MGAT4C: variants seen among roughly 807,000 people sequenced by gnomAD.
MGAT4C encodes MGAT4 family member C, also known as alpha-1,3-mannosyl-glycoprotein 4-beta-N-acetylglucosaminyltransferase C.
A neutral mutation model predicts 40.1 loss-of-function variants in MGAT4C; 19 were observed. The observed-to-expected ratio is 0.47, with a 90% confidence interval of 0.33 to 0.70. The LOEUF (loss-of-function observed/expected upper bound fraction) is 0.70, where lower values mean the gene tolerates loss of function less well. Ranked by LOEUF, MGAT4C falls within the 30% of genes least tolerant of loss-of-function variation. MGAT4C has a pLI of 0.02. For synonymous variants in MGAT4C, 181 were observed against 187.1 expected (o/e 0.97, Z 0.27); for missense variants, 491 against 563.2 (o/e 0.87, Z 1.30).
chr12:86,265,610 T>C (rs1422343192), intron 4 of MGAT4C, among the ~76,000 whole-genome samples: 1 of 152,298 alleles, frequency 6.6e-6, no homozygotes, highest in African/African-American at 2.4e-5. Flanking sequence ...GGTTTTTTCC[T>C]TTTGCTTTGG....
At chr12:86,101,350 CA>C (rs777806394) in intron 1 of MGAT4C, among the ~76,000 whole-genome samples, 100 of 151,634 alleles carry the variant, frequency 6.6e-4, no homozygotes, top group Non-Finnish European at 1.2e-3. Flanking sequence ...TAGTGGAGTT[CA>C]AAAGAGGGCA....
intron 1 of MGAT4C, among the ~76,000 whole-genome samples, chr12:86,210,171 G>A (rs1950406689): frequency 6.6e-6 from 1 of 152,070 alleles, no homozygotes; most frequent in Non-Finnish European, 1.5e-5. Flanking sequence ...AGATAAATAC[G>A]CTTAAGATAC....
intron 1 of MGAT4C, among the ~76,000 whole-genome samples, chr12:86,795,429 A>G (rs926204932): frequency 6.6e-6 from 1 of 151,980 alleles, no homozygotes; most frequent in African/African-American, 2.4e-5. Context: ...CTACAATATT[A>G]GGCATATTGT....
At chr12:86,249,535 T>C (rs539904144) in intron 1 of MGAT4C, among the ~76,000 whole-genome samples, 34 of 152,260 alleles carry the variant, frequency 2.2e-4, no homozygotes, top group Admixed American at 5.2e-4. Flanking sequence ...TCACAGCCCT[T>C]CTAGAGTATT....
intron 2 of MGAT4C, among the ~76,000 whole-genome samples, chr12:86,564,195 AC>A (rs1195376726): frequency 6.6e-6 from 1 of 152,124 alleles, no homozygotes; most frequent in Non-Finnish European, 1.5e-5. Flanking sequence ...AGTAAGCTTA[AC>A]CAGGTAGTAA....
At chr12:86,536,366 T>C (rs1291181627) in intron 2 of MGAT4C, among the ~76,000 whole-genome samples, 5 of 152,106 alleles carry the variant, frequency 3.3e-5, no homozygotes, top group Non-Finnish European at 7.4e-5. Context: ...CATGGATCCT[T>C]GATGGAAGCA....
chr12:86,117,054 A>G lies in MGAT4C; in HGVS notation c.-56-67331T>C, dbSNP rs73385597. Among the ~76,000 whole-genome samples, 976 of 152,240 alleles carry G rather than the reference A, an allele frequency of 6.4e-3. 6 individuals are homozygous for G. The highest frequency in any genetic ancestry group is 0.023 in the African/African-American group (939 of 41,556). On this transcript the variant is annotated intron_variant, in intron 1 of 4. Transcript: ENST00000611864. The stretch of plus-strand genomic sequence containing the variant: ...ACGCTATATTTGATAATATCTTATT[A>G]TACTTTAATCATTGCTTAAAAAAAA...
At chr12:86,083,693 G>A (rs1871253723) in intron 1 of MGAT4C, among the ~76,000 whole-genome samples, 1 of 151,890 alleles carries the variant, frequency 6.6e-6, no homozygotes, top group African/African-American at 2.4e-5. Context: ...AACATATCCT[G>A]GCTTATCACC....
At chr12:86,347,298 C>T in intron 3 of MGAT4C, among the ~76,000 whole-genome samples, 1 of 152,058 alleles carries the variant, frequency 6.6e-6, no homozygotes, top group East Asian at 1.9e-4. Flanking sequence ...TGTAGTATTT[C>T]ATCACTGAAT....
At chr12:86,313,582 T>A (rs1954130079) in intron 4 of MGAT4C, among the ~76,000 whole-genome samples, 1 of 152,022 alleles carries the variant, frequency 6.6e-6, no homozygotes, top group Non-Finnish European at 1.5e-5. Flanking sequence ...TTCCTACAAG[T>A]GAGAAAAGCC....
chr12:86,785,129 C>T (rs1434786971), intron 1 of MGAT4C, among the ~76,000 whole-genome samples: 2 of 151,962 alleles, frequency 1.3e-5, no homozygotes, highest in Admixed American at 6.6e-5. Context: ...TAAATACAGT[C>T]GCTAAATTAT....
chr12:86,741,202 A>T (rs979778412), intron 1 of MGAT4C, among the ~76,000 whole-genome samples: 5 of 151,302 alleles, frequency 3.3e-5, no homozygotes, highest in Admixed American at 6.6e-5. Flanking sequence ...TCGTATGTTC[A>T]TCACAGTACT....
At chr12:86,598,730 A>T (rs926243702) in intron 2 of MGAT4C, among the ~76,000 whole-genome samples, 1 of 152,140 alleles carries the variant, frequency 6.6e-6, no homozygotes, top group African/African-American at 2.4e-5. Flanking sequence ...CTAAAATTTA[A>T]ATCTACTTGT....
chr12:86,735,344 AGT>A (rs1565955375), intron 1 of MGAT4C, among the ~76,000 whole-genome samples: 1 of 151,882 alleles, frequency 6.6e-6, no homozygotes, highest in African/African-American at 2.4e-5. Context: ...TGATGATTTC[AGT>A]TGATGAAATC....
At chr12:86,167,030 GT>G (rs1485993410) in intron 1 of MGAT4C, among the ~76,000 whole-genome samples, 2 of 152,022 alleles carry the variant, frequency 1.3e-5, no homozygotes, top group Non-Finnish European at 2.9e-5. Flanking sequence ...ATATACTTTA[GT>G]TCTCTCAACA....
intron 1 of MGAT4C, among the ~76,000 whole-genome samples, chr12:86,176,255 C>G (rs1056771092): frequency 1.3e-5 from 2 of 152,170 alleles, no homozygotes; most frequent in African/African-American, 4.8e-5. Context: ...CATTTCCATA[C>G]AGGATCGTAT....
intron 2 of MGAT4C, among the ~76,000 whole-genome samples, chr12:86,705,803 A>C (rs560238856): frequency 7.6e-4 from 115 of 152,268 alleles, no homozygotes; most frequent in African/African-American, 2.7e-3. Flanking sequence ...GGGAGTTTTT[A>C]AGATCATACT....
At chr12:86,414,058 C>T (rs1042471818) in intron 3 of MGAT4C, among the ~76,000 whole-genome samples, 1 of 151,770 alleles carries the variant, frequency 6.6e-6, no homozygotes, top group Non-Finnish European at 1.5e-5. Flanking sequence ...CAGAAAAATG[C>T]TTACAGCAAG....
At chr12:86,013,854 C>T in intron 2 of MGAT4C, 1 of 719,682 alleles carries the variant, frequency 1.4e-6, no homozygotes, top group Non-Finnish European at 1.7e-6. Flanking sequence ...TCAAGCTTTT[C>T]TTCTTTTTCT....
Sources: gnomAD v4.1 joint callset for allele counts (sites outside exome capture counted in the v4.1 genomes callset) on GRCh38, gnomAD v4.1.1 for gene constraint, MANE v1.5 for transcripts, NCBI Gene and HGNC (gene_info 2026-07-23, HGNC 2026-07-21) for gene names.